ADHFE1: variants seen among roughly 807,000 people sequenced by gnomAD.
ADHFE1 encodes the protein alcohol dehydrogenase iron containing 1.
A neutral mutation model predicts 54.8 loss-of-function variants in ADHFE1; 37 were observed. The observed-to-expected ratio is 0.68, with a 90% CI of 0.52 to 0.89. The LOEUF is 0.89. Ranked by LOEUF, ADHFE1 falls within the 40% of genes least tolerant of loss-of-function variation. The pLI is 0.00. For synonymous variants in ADHFE1, 203 were observed against 229.3 expected (o/e 0.89, Z 1.04); for missense variants, 601 against 591.2 (o/e 1.02, Z -0.17).
intron 2 of ADHFE1, among the ~76,000 whole-genome samples, chr8:66,441,552 C>T (rs1293510857): frequency 1.3e-5 from 2 of 152,100 alleles, no homozygotes; most frequent in Non-Finnish European, 2.9e-5. Context: ...TAGACTTTAT[C>T]GTATGACTGA....
At chr8:66,455,812 A>G (rs545828670) in intron 10 of ADHFE1, among the ~76,000 whole-genome samples, 2 of 152,236 alleles carry the variant, frequency 1.3e-5, no homozygotes, top group South Asian at 2.1e-4. Context: ...AGTCCCAGCT[A>G]CTCAAACACC....
At chr8:66,460,593 C>T in intron 13 of ADHFE1, 128 bp downstream of exon 13, 1 of 1,090,176 alleles carries the variant, frequency 9.2e-7, no homozygotes, top group Non-Finnish European at 1.3e-6. Context: ...GTCTCCTCCA[C>T]AGCAGACAGC....
At chr8:66,453,920 T>TCTAAATAAGACGCCTTC in intron 9 of ADHFE1, 139 bp from the exon 10 acceptor site, 1 of 1,522,162 alleles carries the variant, frequency 6.6e-7, no homozygotes, top group Non-Finnish European at 8.8e-7. Context: ...AAGGCGTCGT[T>TCTAAATAAGACGCCTTC]TGAATAACTT....
intron 2 of ADHFE1, among the ~76,000 whole-genome samples, chr8:66,441,553 G>A (rs559915987): frequency 5.9e-5 from 9 of 152,210 alleles, no homozygotes; most frequent in East Asian, 3.9e-4. Context: ...AGACTTTATC[G>A]TATGACTGAC....
At chr8:66,458,009 T>C (rs1224658829) in intron 12 of ADHFE1, among the ~76,000 whole-genome samples, 1 of 152,206 alleles carries the variant, frequency 6.6e-6, no homozygotes, top group Non-Finnish European at 1.5e-5. Flanking sequence ...AGGAGTCTGT[T>C]TGCCATACTG....
Position 66,468,563 on chromosome 8 carries a change from C to A in ADHFE1, c.*211C>A. On this transcript the variant is annotated 3_prime_UTR_variant, in exon 14 of 14. Transcript: ENST00000396623. Reference sequence around the variant, plus strand: ...TGGACAAATGACCACTATGTTAGACCCCCAGGCTCGACTTCAGGGGTCAGT... The same window carrying A: ...TGGACAAATGACCACTATGTTAGACACCCAGGCTCGACTTCAGGGGTCAGT... 1 of 318,898 alleles carries A rather than the reference C, an allele frequency of 3.1e-6. No homozygotes were observed. The highest frequency in any genetic ancestry group is 5.7e-6 in the Non-Finnish European group (1 of 174,282). The allele number at this position is 318,898 out of a possible 1,614,324, so 19.8% of individuals were successfully genotyped here. A position where few individuals can be genotyped will look rare whatever the true frequency, so the allele number is the denominator to read the frequency against.
intron 10 of ADHFE1, among the ~76,000 whole-genome samples, chr8:66,455,544 A>T (rs1318003255): frequency 6.6e-6 from 1 of 152,252 alleles, no homozygotes; most frequent in Non-Finnish European, 1.5e-5. Context: ...CCAAAAAGCA[A>T]GTGAGCAAAG....
intron 9 of ADHFE1, among the ~76,000 whole-genome samples, chr8:66,452,479 A>G (rs1438005207): frequency 6.6e-6 from 1 of 152,210 alleles, no homozygotes; most frequent in Non-Finnish European, 1.5e-5. Flanking sequence ...AGTTAACTCA[A>G]ATGAACTAAA....
At chr8:66,432,673 C>T in intron 1 of ADHFE1, 98 bp downstream of exon 1, 1 of 1,236,320 alleles carries the variant, frequency 8.1e-7, no homozygotes, top group Non-Finnish European at 1.0e-6. Context: ...TCTCCGCTTA[C>T]TTTCAAGAAT....
chr8:66,447,183 C>T (rs1004036949), intron 6 of ADHFE1, 81 bp from the exon 7 acceptor site: 6 of 1,202,454 alleles, frequency 5.0e-6, no homozygotes, highest in African/African-American at 3.1e-5. Context: ...TAATTTTGTT[C>T]CTCAGTCCTA....
intron 1 of ADHFE1, among the ~76,000 whole-genome samples, chr8:66,438,894 G>C (rs1171114959): frequency 1.3e-5 from 2 of 151,966 alleles, no homozygotes; most frequent in Non-Finnish European, 2.9e-5. Flanking sequence ...GGGGGGTGTA[G>C]GGAGGAAGCA....
At chr8:66,432,942 T>C (rs1255353530) in intron 1 of ADHFE1, 3 of 1,018,772 alleles carry the variant, frequency 2.9e-6, no homozygotes, top group East Asian at 1.6e-4. Context: ...CCAAAAACTA[T>C]TCTAGGTTCT....
intron 13 of ADHFE1, among the ~76,000 whole-genome samples, chr8:66,464,851 G>C (rs1807085330): frequency 6.6e-6 from 1 of 152,084 alleles, no homozygotes; most frequent in African/African-American, 2.4e-5. Flanking sequence ...TGGTGTGTCT[G>C]TTAAACACGA....
At chr8:66,441,282 G>C (rs1362377029) in intron 2 of ADHFE1, among the ~76,000 whole-genome samples, 2 of 152,128 alleles carry the variant, frequency 1.3e-5, no homozygotes, top group Non-Finnish European at 2.9e-5. Context: ...TGTCACCCAG[G>C]CTGGAGTACA....
At chr8:66,452,532 T>G (rs1806355469) in intron 9 of ADHFE1, among the ~76,000 whole-genome samples, 1 of 152,186 alleles carries the variant, frequency 6.6e-6, no homozygotes, top group South Asian at 2.1e-4. Context: ...CTCACACCAG[T>G]AATCCCAGCA....
At chr8:66,465,927 C>T (rs1376651045) in intron 13 of ADHFE1, among the ~76,000 whole-genome samples, 1 of 151,996 alleles carries the variant, frequency 6.6e-6, no homozygotes. Flanking sequence ...GAATATTAAT[C>T]CCTTATCAGA....
rs1586484883 is a variant in ADHFE1, at chr8:66,460,360, C to G, written c.1215C>G (p.Asp405Glu). 1.9e-6 allele frequency: 3 copies of G among 1,614,222 alleles called. No individual in the cohort carries two copies. Among genetic ancestry groups the G allele is most frequent in the Non-Finnish European group, 2.5e-6 (3 of 1,180,032 alleles). ...RIQDAGLVLA[D>E]TLRKFLFDLD... ...AAGATGCAGGGCTGGTGTTGGCAGACACGCTCCGGAAATTCTTATTCGATC... is the reference window on the plus strand; with the variant it reads ...AAGATGCAGGGCTGGTGTTGGCAGAGACGCTCCGGAAATTCTTATTCGATC... The change falls in exon 13 of 14, where the codon GAC becomes GAG. Residue 405 changes from aspartate (D) to glutamate (E), a missense_variant. Asp to Glu is a conservative substitution (Grantham distance 45, BLOSUM62 2). Coordinates refer to ENST00000396623, the MANE Select transcript of ADHFE1 (RefSeq NM_144650.3).
At chr8:66,457,471 C>G (rs1033099841) in intron 12 of ADHFE1, among the ~76,000 whole-genome samples, 3 of 145,510 alleles carry the variant, frequency 2.1e-5, no homozygotes, top group African/African-American at 7.8e-5. Context: ...GAGTGAGACT[C>G]TCTCTCTCAA....
At chr8:66,442,530 C>G (rs1231232339) in intron 2 of ADHFE1, among the ~76,000 whole-genome samples, 1 of 152,026 alleles carries the variant, frequency 6.6e-6, no homozygotes, top group Non-Finnish European at 1.5e-5. Context: ...CCAGGATGAT[C>G]TCGATCTCCT....
Sources: allele counts gnomAD v4.1 joint callset (sites outside exome capture counted in the v4.1 genomes callset), GRCh38; gene constraint gnomAD v4.1.1; transcripts MANE v1.5; gene names NCBI Gene and HGNC (gene_info 2026-07-23, HGNC 2026-07-21).